Variants in ZNF81 observed in about 807,000 individuals in gnomAD.
ZNF81 encodes zinc finger protein 81, also known as zinc finger protein 81 (HFZ20).
Under a neutral mutation model 32.3 loss-of-function variants are expected in ZNF81, and 5 were observed. The ratio of observed to expected loss-of-function variants is 0.15; its 90% CI spans 0.08 to 0.33. ZNF81 has a LOEUF of 0.33. Among genes scored for constraint, ZNF81 ranks in the 10% least tolerant of loss-of-function variants. The pLI is 1.00. For synonymous variants in ZNF81, 163 were observed against 166.8 expected, an observed-to-expected ratio of 0.98 and a Z score of 0.17; for missense variants, 379 against 479.8, an observed-to-expected ratio of 0.79 and a Z score of 1.96.
chrX:47,852,595 C>T (rs782435699), intron 2 of ZNF81, among the ~76,000 whole-genome samples: 9 of 112,455 alleles, frequency 8.0e-5, no homozygotes, highest in Non-Finnish European at 1.5e-4. Flanking sequence ...AAAAACTCCT[C>T]ATCCGTTAAA....
intron 1 of ZNF81, among the ~76,000 whole-genome samples, chrX:47,840,450 C>T (rs782280701): frequency 9.0e-6 from 1 of 110,653 alleles, no homozygotes; most frequent in African/African-American, 3.3e-5. Flanking sequence ...ATGAGAGGTG[C>T]TTGCCATGAA....
At chrX:47,858,820 G>A (rs2058527418) in intron 2 of ZNF81, among the ~76,000 whole-genome samples, 1 of 111,685 alleles carries the variant, frequency 9.0e-6, no homozygotes, top group Admixed American at 9.5e-5. Context: ...GCTGGGCGTG[G>A]TGGCTCACAC....
chrX:47,917,033 G>A lies in ZNF81; in HGVS notation c.*401G>A, dbSNP rs1556891086. The A allele has an allele frequency of 3.6e-6, 1 of 276,162 alleles. No individual in the cohort carries two copies. The highest frequency in any genetic ancestry group is 2.2e-4 in the South Asian group (1 of 4,539). The allele number at this position is 276,162 out of a possible 1,213,427, so 22.8% of individuals were successfully genotyped here. A position where few individuals can be genotyped will look rare whatever the true frequency, so the allele number is the denominator to read the frequency against. Reference sequence around the variant, plus strand: ...ATTTAAAGTGATAACAAAATGAAAGGTAGTGCAGCAAAATAATATAACTGG... The same window carrying A: ...ATTTAAAGTGATAACAAAATGAAAGATAGTGCAGCAAAATAATATAACTGG... On this transcript the variant is annotated 3_prime_UTR_variant, in exon 5 of 5. Coordinates refer to ENST00000338637, the MANE Select transcript of ZNF81 (RefSeq NM_007137.5).
chrX:47,849,668 G>A (rs1305973373), intron 2 of ZNF81, among the ~76,000 whole-genome samples: 1 of 103,063 alleles, frequency 9.7e-6, no homozygotes, highest in Admixed American at 1.0e-4. Context: ...GCGAGACTCC[G>A]TCTCAAAAAA....
At chrX:47,854,743 T>C (rs1218671163) in intron 2 of ZNF81, among the ~76,000 whole-genome samples, 1 of 111,800 alleles carries the variant, frequency 8.9e-6, no homozygotes, top group African/African-American at 3.3e-5. Context: ...TGGTTCGTGG[T>C]GCCCTGAGAC....
At chrX:47,887,089 C>T (rs1272291378) in intron 2 of ZNF81, among the ~76,000 whole-genome samples, 1 of 111,377 alleles carries the variant, frequency 9.0e-6, no homozygotes, top group Admixed American at 9.6e-5. Context: ...TTCACTTTCG[C>T]CCATTGAATC....
chrX:47,911,617 T>C lies in ZNF81; in HGVS notation c.278-3307T>C, dbSNP rs192300631. On this transcript the variant is annotated intron_variant, in intron 4 of 4. Transcript: ENST00000338637. ...GTGTTTTAGAGGGATTTTAAAAAAT[T>C]ATACTGAGAGGAATTCAACGAAGAT... 2.7e-5 allele frequency among the ~76,000 whole-genome samples: 3 copies of C among 111,732 alleles called. No individual in the cohort carries two copies. In the East Asian group the frequency reaches 8.4e-4, roughly 31 times the overall value.
At chrX:47,880,877 T>G (rs1374320747) in intron 2 of ZNF81, among the ~76,000 whole-genome samples, 1 of 111,918 alleles carries the variant, frequency 8.9e-6, no homozygotes, top group African/African-American at 3.3e-5. Context: ...TGAGAAGTCC[T>G]AGGTCAAGGG....
chrX:47,916,772 A>G lies in ZNF81; in HGVS notation c.*140A>G. The G allele has an allele frequency of 1.6e-6, 1 of 631,530 alleles. No homozygotes were observed. Among genetic ancestry groups the G allele is most frequent in the Non-Finnish European group, 2.2e-6 (1 of 449,929 alleles). The allele number at this position is 631,530 out of a possible 1,213,427, so 52.0% of individuals were successfully genotyped here. A position where few individuals can be genotyped will look rare whatever the true frequency, so the allele number is the denominator to read the frequency against. ...AAAGCATCAGGCTATCTCACTTGAG[A>G]TGGAAAAAAATTATTCAGAAGAAAC... On this transcript the variant is annotated 3_prime_UTR_variant, in exon 5 of 5. Transcript: ENST00000338637.
chrX:47,920,762 A>T lies in ZNF81; in HGVS notation c.*4130A>T, dbSNP rs1416289137. ...CGTGTTTCTTGAGAGCACTCAGTGG[A>T]TGACTATGGAGAAGAGCCTGCAAGC... On this transcript the variant is annotated 3_prime_UTR_variant, in exon 5 of 5. Coordinates refer to ENST00000338637, the MANE Select transcript of ZNF81 (RefSeq NM_007137.5). The T allele has an allele frequency of 9.1e-6, 1 of 110,435 alleles. No individual in the cohort carries two copies. Among genetic ancestry groups the T allele is most frequent in the Non-Finnish European group, 1.9e-5 (1 of 52,813 alleles). 9.1% of individuals were successfully genotyped at this position (110,435 alleles called of 1,213,427 possible).
chrX:47,904,511 A>C (rs1380018270), intron 4 of ZNF81, among the ~76,000 whole-genome samples: 1 of 108,714 alleles, frequency 9.2e-6, no homozygotes, highest in African/African-American at 3.3e-5. Context: ...AACCACAATG[A>C]GATACCATCT....
chrX:47,872,820 T>C (rs900416161), intron 2 of ZNF81, among the ~76,000 whole-genome samples: 6 of 112,104 alleles, frequency 5.4e-5, no homozygotes, highest in Non-Finnish European at 9.4e-5. Flanking sequence ...TTCCTTCTGA[T>C]TGAGCTCTCA....
At chrX:47,858,117 A>C (rs2058524460) in intron 2 of ZNF81, among the ~76,000 whole-genome samples, 2 of 111,958 alleles carry the variant, frequency 1.8e-5, no homozygotes, top group South Asian at 7.4e-4. Context: ...AAATATCATC[A>C]AGCAGAATCC....
At chrX:47,860,321 G>C (rs182762024) in intron 2 of ZNF81, among the ~76,000 whole-genome samples, 1 of 108,262 alleles carries the variant, frequency 9.2e-6, no homozygotes, top group African/African-American at 3.4e-5. Flanking sequence ...GACTACAGGC[G>C]CCCACCACCA....
At chrX:47,873,258 G>A (rs781973474) in intron 2 of ZNF81, among the ~76,000 whole-genome samples, 1 of 112,269 alleles carries the variant, frequency 8.9e-6, no homozygotes, top group African/African-American at 3.2e-5. Context: ...TCAGCAGCCT[G>A]TATTAACCTG....
chrX:47,890,931 C>G (rs987864604), intron 3 of ZNF81, among the ~76,000 whole-genome samples: 1 of 111,746 alleles, frequency 8.9e-6, no homozygotes, highest in Admixed American at 9.5e-5. Flanking sequence ...GATTTATTTC[C>G]CACTCTCTGA....
intron 4 of ZNF81, among the ~76,000 whole-genome samples, chrX:47,904,175 C>T (rs1224274430): frequency 2.7e-5 from 3 of 111,780 alleles, no homozygotes; most frequent in Non-Finnish European, 3.8e-5. Context: ...TCTAAAACAC[C>T]AAAAGCAATG....
intron 2 of ZNF81, among the ~76,000 whole-genome samples, chrX:47,852,621 G>A (rs1387676370): frequency 8.9e-6 from 1 of 112,432 alleles, no homozygotes; most frequent in African/African-American, 3.2e-5. Context: ...ATCATGAGAT[G>A]GCAGCAATTC....
In ZNF81 at chrX:47,925,282, C is replaced by T. The variant is rs1249971351; in HGVS notation, c.*8650C>T. Reference sequence around the variant, plus strand: ...CATATCAATCACCCCAAAAAAGTTTCCTTATGCCTCTTTGTCATTCAGCCC... The same window carrying T: ...CATATCAATCACCCCAAAAAAGTTTTCTTATGCCTCTTTGTCATTCAGCCC... On this transcript the variant is annotated 3_prime_UTR_variant, in exon 5 of 5. Transcript: ENST00000338637. 9.0e-6 allele frequency among the ~76,000 whole-genome samples: 1 copy of T among 111,582 alleles called. No homozygotes were observed. Among genetic ancestry groups the T allele is most frequent in the Non-Finnish European group, 1.9e-5 (1 of 53,037 alleles).
Sources: gnomAD v4.1 joint callset for allele counts (sites outside exome capture counted in the v4.1 genomes callset) on GRCh38, gnomAD v4.1.1 for gene constraint, MANE v1.5 for transcripts, NCBI Gene and HGNC (gene_info 2026-07-23, HGNC 2026-07-21) for gene names.